MCHR2: variants seen among roughly 807,000 people sequenced by gnomAD.
MCHR2 encodes the protein melanin concentrating hormone receptor 2.
A neutral mutation model predicts 24.8 loss-of-function variants in MCHR2; 15 were observed. That is an observed-to-expected ratio of 0.60 (90% confidence interval 0.40 to 0.93). MCHR2 has a LOEUF of 0.93. Among genes scored for constraint, MCHR2 ranks in the 40% least tolerant of loss-of-function variants. The probability of loss-of-function intolerance (pLI) is 0.00; values close to 1 mark genes in which losing one functional copy is unlikely to be tolerated. For missense variants in MCHR2, 386 were observed against 408.7 expected (o/e 0.94, Z 0.48); for synonymous variants, 151 against 147.6 (o/e 1.02, Z -0.17).
chr6:99,934,385 G>C lies in MCHR2; in HGVS notation c.707+13C>G. 6.4e-7 allele frequency: 1 copy of C among 1,559,768 alleles called. No homozygotes were observed. The highest frequency in any genetic ancestry group is 8.6e-7 in the Non-Finnish European group (1 of 1,160,620). On this transcript the variant is annotated intron_variant, in intron 5 of 5. Transcript: ENST00000281806. ...ATTGTTCTTTTAACAAATAAAACAA[G>C]GCAAACACTTACCATCTGGCATCCT...
chr6:99,939,700 A>G (rs1582379392), intron 4 of MCHR2, among the ~76,000 whole-genome samples: 1 of 150,214 alleles, frequency 6.7e-6, no homozygotes, highest in African/African-American at 2.4e-5. Flanking sequence ...TTCTTTTTGC[A>G]CATTAGTGTT....
chr6:99,984,030 T>A (rs1304423679), intron 1 of MCHR2, among the ~76,000 whole-genome samples: 2 of 152,158 alleles, frequency 1.3e-5, no homozygotes, highest in African/African-American at 4.8e-5. Context: ...ATGTCTTTGC[T>A]AGTTTCAAAA....
intron 5 of MCHR2, among the ~76,000 whole-genome samples, chr6:99,931,670 C>T (rs1362777392): frequency 6.6e-5 from 10 of 152,136 alleles, no homozygotes; most frequent in South Asian, 4.1e-4. Context: ...CCTGGTGTGC[C>T]GTCTCCTAAG....
intron 1 of MCHR2, among the ~76,000 whole-genome samples, chr6:99,991,103 C>T (rs1233668695): frequency 6.6e-6 from 1 of 151,692 alleles, no homozygotes; most frequent in Non-Finnish European, 1.5e-5. Flanking sequence ...TAGCATCGAA[C>T]AGTTTGGGGT....
intron 1 of MCHR2, among the ~76,000 whole-genome samples, chr6:99,981,086 T>C (rs1775661299): frequency 6.6e-6 from 1 of 152,222 alleles, no homozygotes; most frequent in African/African-American, 2.4e-5. Context: ...ATCAGAAATC[T>C]ACCACAGTAA....
intron 1 of MCHR2, among the ~76,000 whole-genome samples, chr6:99,968,414 G>C (rs1217432937): frequency 1.3e-5 from 2 of 152,168 alleles, no homozygotes; most frequent in African/African-American, 4.8e-5. Flanking sequence ...TAGATATGGG[G>C]AAACTAGGCT....
intron 1 of MCHR2, among the ~76,000 whole-genome samples, chr6:99,970,353 A>C (rs369943688): frequency 6.6e-6 from 1 of 151,974 alleles, no homozygotes; most frequent in African/African-American, 2.4e-5. Context: ...CTGCATAAAT[A>C]TCTTCTTTTG....
Position 99,947,990 on chromosome 6 carries a change from A to G in MCHR2, c.183-19T>C, listed in dbSNP as rs780272216. The G allele has an allele frequency of 4.4e-6, 7 of 1,603,406 alleles. No homozygotes were observed. In the Admixed American group the frequency reaches 1.0e-4, roughly 23 times the overall value. On this transcript the variant is annotated intron_variant, in intron 2 of 5. Transcript: ENST00000281806. ...CCTGGATCTGAAAGAGATAGAGGAA[A>G]CTGAGGATTGACATTGAATGTATAC...
intron 4 of MCHR2, among the ~76,000 whole-genome samples, chr6:99,939,324 C>A (rs1301024874): frequency 6.6e-6 from 1 of 151,902 alleles, no homozygotes; most frequent in African/African-American, 2.4e-5. Context: ...TTAGTTCATT[C>A]CTTTTTATTT....
At chr6:99,952,529 A>C (rs1774984358) in intron 2 of MCHR2, among the ~76,000 whole-genome samples, 1 of 151,988 alleles carries the variant, frequency 6.6e-6, no homozygotes, top group Non-Finnish European at 1.5e-5. Flanking sequence ...AATCTTGTTT[A>C]AATGTTATTT....
intron 1 of MCHR2, among the ~76,000 whole-genome samples, chr6:99,967,792 C>T (rs1264916397): frequency 6.6e-6 from 1 of 152,178 alleles, no homozygotes; most frequent in Admixed American, 6.6e-5. Context: ...TATGTCCCAA[C>T]TAACTGGAGG....
rs1282579723 is a variant in MCHR2, at chr6:99,919,254, C to T, written c.*1686G>A. On this transcript the variant is annotated 3_prime_UTR_variant, in exon 6 of 6. Coordinates refer to ENST00000281806, the MANE Select transcript of MCHR2 (RefSeq NM_001040179.2). The stretch of plus-strand genomic sequence containing the variant: ...TGTAGTTCTCATGTGGTTTACAGAA[C>T]CATTCATCCAGATATGCATTTAGAT... 2.7e-5 allele frequency among the ~76,000 whole-genome samples: 4 copies of T among 150,936 alleles called. No homozygotes were observed. Among genetic ancestry groups the T allele is most frequent in the Non-Finnish European group, 5.9e-5 (4 of 67,590 alleles).
chr6:99,940,808 C>T (rs1774755796), intron 4 of MCHR2, among the ~76,000 whole-genome samples: 1 of 152,138 alleles, frequency 6.6e-6, no homozygotes, highest in Non-Finnish European at 1.5e-5. Context: ...CCATCAGTCA[C>T]TGGCTGTCCT....
chr6:99,936,733 T>G (rs1379952273), intron 4 of MCHR2, among the ~76,000 whole-genome samples: 1 of 151,970 alleles, frequency 6.6e-6, no homozygotes, highest in African/African-American at 2.4e-5. Context: ...AAAACTGTTA[T>G]TGGTATTTTG....
intron 1 of MCHR2, among the ~76,000 whole-genome samples, chr6:99,974,123 G>T (rs990030062): frequency 6.6e-6 from 1 of 152,176 alleles, no homozygotes; most frequent in African/African-American, 2.4e-5. Context: ...CTAGATTGGG[G>T]AAGTTCTCCT....
intron 3 of MCHR2, among the ~76,000 whole-genome samples, chr6:99,943,805 C>A (rs562324838): frequency 6.6e-6 from 1 of 152,286 alleles, no homozygotes; most frequent in Admixed American, 6.5e-5. Flanking sequence ...CAAACTCTTT[C>A]TTTACAAAGG....
chr6:99,970,965 C>G (rs1243857317), intron 1 of MCHR2, among the ~76,000 whole-genome samples: 1 of 152,116 alleles, frequency 6.6e-6, no homozygotes, highest in Non-Finnish European at 1.5e-5. Context: ...GTTACTGTAG[C>G]CTTGTAGTAT....
intron 3 of MCHR2, among the ~76,000 whole-genome samples, chr6:99,944,290 G>A (rs1774834357): frequency 6.6e-6 from 1 of 152,184 alleles, no homozygotes; most frequent in Admixed American, 6.5e-5. Context: ...AATGAAAGCT[G>A]AGAATGAAAA....
At chr6:99,983,433 G>A (rs765000893) in intron 1 of MCHR2, among the ~76,000 whole-genome samples, 4 of 152,016 alleles carry the variant, frequency 2.6e-5, no homozygotes, top group African/African-American at 9.7e-5. Flanking sequence ...CTTTTACTAG[G>A]CCCTATACAT....
Sources: gnomAD v4.1 joint callset for allele counts (sites outside exome capture counted in the v4.1 genomes callset) on GRCh38, gnomAD v4.1.1 for gene constraint, MANE v1.5 for transcripts, NCBI Gene and HGNC (gene_info 2026-07-23, HGNC 2026-07-21) for gene names.